Variants in ACAN observed in about 807,000 individuals in gnomAD.
ACAN encodes aggrecan core protein.
A neutral mutation model predicts 169.1 loss-of-function variants in ACAN; 47 were observed. The ratio of observed to expected loss-of-function variants is 0.28; its 90% CI spans 0.22 to 0.35. The LOEUF (loss-of-function observed/expected upper bound fraction) is 0.35. Ranked by LOEUF, ACAN falls within the 10% of genes least tolerant of loss-of-function variation. ACAN has a pLI of 1.00. For synonymous variants in ACAN, 1,115 were observed against 1,112.2 expected, an observed-to-expected ratio of 1.00 and a Z score of -0.05; for missense variants, 2,716 against 2,759.9, an observed-to-expected ratio of 0.98 and a Z score of 0.36.
rs749301721 is a variant in ACAN, at chr15:88,838,052, T to C, written c.71-611T>C. On this transcript the variant is annotated intron_variant, in intron 2 of 18. Coordinates refer to ENST00000560601, the MANE Select transcript of ACAN (RefSeq NM_001369268.1). This position sits in a 1 kb window ranked among gnomAD's most constrained non-coding sequence, Gnocchi z 5.1. ...TCTGATCCTATCCCATCGCCTCTCC[T>C]GCATCTGACTGTTTGCACACCAAAA... Among the ~76,000 whole-genome samples the C allele has an allele frequency of 6.6e-6, 1 of 152,006 alleles. No homozygotes were observed. Among genetic ancestry groups the C allele is most frequent in the African/African-American group, 2.4e-5 (1 of 41,398 alleles).
At position 88,861,450 on chromosome 15, in the gene ACAN, T is replaced by C. The variant is rs2141618232; in HGVS notation, c.6946+1011T>C. Among the ~76,000 whole-genome samples, 1 of 152,288 alleles carries C rather than the reference T, an allele frequency of 6.6e-6. No individual in the cohort carries two copies. The highest frequency in any genetic ancestry group is 1.9e-4 in the East Asian group (1 of 5,194). On this transcript the variant is annotated intron_variant, in intron 13 of 18. Coordinates refer to ENST00000560601, the MANE Select transcript of ACAN (RefSeq NM_001369268.1). This position sits in a 1 kb window ranked among gnomAD's most constrained non-coding sequence, Gnocchi z 6.3. The stretch of plus-strand genomic sequence containing the variant: ...CACAGAGAAGAATTCTGTGTCTATA[T>C]ATATTAATATACATGCAAATTAATA...
chr15:88,851,762 G>A lies in ACAN; in HGVS notation c.2027-32G>A. On this transcript the variant is annotated intron_variant, in intron 10 of 18. Transcript: ENST00000560601. This position sits in a 1 kb window ranked among gnomAD's most constrained non-coding sequence, Gnocchi z 4.3. ...CAAGGACGGGTCACTGGTAAGAGAG[G>A]GACTCACTCTGACCACCCACATCTC... 3.3e-6 allele frequency: 5 copies of A among 1,535,586 alleles called. No individual in the cohort carries two copies. Among genetic ancestry groups the A allele is most frequent in the Non-Finnish European group, 3.5e-6 (4 of 1,138,786 alleles).
chr15:88,808,753 C>T (rs1895748302), intron 1 of ACAN, among the ~76,000 whole-genome samples: 1 of 152,164 alleles, frequency 6.6e-6, no homozygotes, highest in Non-Finnish European at 1.5e-5. Flanking sequence ...TGTCAATAGT[C>T]CCAAGGCTGA....
rs35430524 is a variant in ACAN, at chr15:88,855,322, C to A, written c.2737C>A (p.Pro913Thr). Residue 913 changes from proline (P) to threonine (T), a missense_variant, in exon 12 of 19, where the codon CCT (proline) becomes ACT (threonine). Pro to Thr is a conservative substitution (Grantham distance 38). Around this residue, in one of 3 missense-constraint regions of ACAN, gnomAD observed 1,283 missense variants for 1,281.5 expected, o/e 1.00. Transcript: ENST00000560601. ...TACTTCCACAGTGGGCTCAGGCCTGCCTGTGGAAAGTGGACTACCCTCAGG... is the reference window on the plus strand; with the variant it reads ...TACTTCCACAGTGGGCTCAGGCCTGACTGTGGAAAGTGGACTACCCTCAGG... The part of the protein sequence containing the change: ...GLTSTVGSGL[P>T]VESGLPSGDE... 164,314 of 1,612,456 alleles carry A rather than the reference C, an allele frequency of 0.1. 9,015 individuals are homozygous for A. The highest frequency in any genetic ancestry group is 0.18 in the East Asian group (8,065 of 44,854).
At chr15:88,831,899 C>T (rs1033249669) in intron 1 of ACAN, among the ~76,000 whole-genome samples, 1 of 152,154 alleles carries the variant, frequency 6.6e-6, no homozygotes, top group Non-Finnish European at 1.5e-5. Flanking sequence ...GAACAGCAGG[C>T]AGGAAGCAGA....
chr15:88,838,595 A>G lies in ACAN; in HGVS notation c.71-68A>G. 6.6e-7 allele frequency: 1 copy of G among 1,507,322 alleles called. No individual in the cohort carries two copies. The highest frequency in any genetic ancestry group is 1.3e-5 in the South Asian group (1 of 75,846). The allele number at this position is 1,507,322 out of a possible 1,614,324, so 93.4% of individuals were successfully genotyped here. A position where few individuals can be genotyped will look rare whatever the true frequency, so the allele number is the denominator to read the frequency against. ...GGAGAGTGCATTGCTGGAAGGATGG[A>G]TGGGGAGGCGGGGTGGTCCTCTCTA... On this transcript the variant is annotated intron_variant, in intron 2 of 18. Coordinates refer to ENST00000560601, the MANE Select transcript of ACAN (RefSeq NM_001369268.1). The surrounding 1 kb of genome is among the most constrained non-coding windows in gnomAD (Gnocchi z 5.1).
chr15:88,830,957 A>G (rs1896345534), intron 1 of ACAN, among the ~76,000 whole-genome samples: 3 of 152,288 alleles, frequency 2.0e-5, no homozygotes, highest in African/African-American at 7.2e-5. Flanking sequence ...TCGTAGGTAC[A>G]GTTTGTTGTT....
chr15:88,867,412 C>T (rs558031771), intron 13 of ACAN, among the ~76,000 whole-genome samples: 9 of 152,282 alleles, frequency 5.9e-5, no homozygotes, highest in African/African-American at 1.9e-4. Context: ...TCTGTAGCTC[C>T]GAACGCTTGT....
At chr15:88,822,025 G>A (rs895526719) in intron 1 of ACAN, among the ~76,000 whole-genome samples, 6 of 152,214 alleles carry the variant, frequency 3.9e-5, no homozygotes, top group African/African-American at 1.2e-4. Flanking sequence ...AATAATATGT[G>A]CAACATCCAC....
intron 9 of ACAN, among the ~76,000 whole-genome samples, chr15:88,848,594 C>T (rs942734659): frequency 1.3e-5 from 2 of 152,198 alleles, no homozygotes; most frequent in African/African-American, 4.8e-5. Flanking sequence ...AGAAAAACTT[C>T]CTTAACTCTC....
intron 12 of ACAN, 150 bp from the exon 13 acceptor site, chr15:88,860,176 C>T (rs1247381996): frequency 2.0e-6 from 1 of 510,554 alleles, no homozygotes; most frequent in African/African-American, 2.1e-5. Flanking sequence ...GGGCCAGGTG[C>T]CCAGGAGGGA....
intron 1 of ACAN, among the ~76,000 whole-genome samples, chr15:88,831,209 G>C (rs188040425): frequency 6.6e-6 from 1 of 152,334 alleles, no homozygotes; most frequent in African/African-American, 2.4e-5. Context: ...GCATAACACT[G>C]GTTCTCCTTG....
intron 1 of ACAN, among the ~76,000 whole-genome samples, chr15:88,805,619 G>A (rs967824615): frequency 6.6e-5 from 10 of 152,152 alleles, no homozygotes; most frequent in African/African-American, 2.4e-4. Context: ...GCCCACAGCG[G>A]GTACTCAATA....
chr15:88,813,061 A>G (rs77331102), intron 1 of ACAN, among the ~76,000 whole-genome samples: 3,328 of 152,218 alleles, frequency 0.022, 108 homozygotes, highest in African/African-American at 0.071. Flanking sequence ...ATGCTGATGG[A>G]CCTTGGAAAT....
At chr15:88,817,515 A>G (rs1425821124) in intron 1 of ACAN, among the ~76,000 whole-genome samples, 1 of 151,624 alleles carries the variant, frequency 6.6e-6, no homozygotes. Context: ...AAAATAATAA[A>G]GGACATCATA....
intron 5 of ACAN, among the ~76,000 whole-genome samples, chr15:88,842,668 T>C (rs1243939637): frequency 6.6e-6 from 1 of 152,156 alleles, no homozygotes; most frequent in Non-Finnish European, 1.5e-5. Context: ...AACCTGCCTA[T>C]TAGGTAACAA....
chr15:88,815,149 G>A (rs1025340676), intron 1 of ACAN, among the ~76,000 whole-genome samples: 2 of 152,074 alleles, frequency 1.3e-5, no homozygotes, highest in Admixed American at 6.5e-5. Flanking sequence ...CCCTCTCTTG[G>A]TTCCACTAGA....
Position 88,859,142 on chromosome 15 carries a change from C to T in ACAN, c.6557C>T (p.Ser2186Leu). The T allele has an allele frequency of 1.2e-6, 2 of 1,613,852 alleles. No homozygotes were observed. The highest frequency in any genetic ancestry group is 2.2e-5 in the South Asian group (2 of 91,084). Residue 2186 changes from serine (S) to leucine (L), a missense_variant, in exon 12 of 19, where the codon TCA becomes TTA. Physicochemically the swap from Ser to Leu is moderately radical, Grantham distance 145. Transcript: ENST00000560601. ...DVGTEAPGLP[S>L]ATPTASGDRT... is the part of the protein sequence containing the mutation. The stretch of plus-strand genomic sequence containing the variant: ...GGGACAGAGGCACCAGGCTTGCCTT[C>T]AGCCACTCCCACGGCTTCTGGAGAC...
intron 1 of ACAN, among the ~76,000 whole-genome samples, chr15:88,809,378 G>A (rs73463953): frequency 0.013 from 1,999 of 152,218 alleles, 48 homozygotes; most frequent in African/African-American, 0.044. Context: ...TCAGCCTCAG[G>A]TTCTTTATTT....
Sources: gnomAD v4.1 joint callset for allele counts (sites outside exome capture counted in the v4.1 genomes callset) on GRCh38, gnomAD v4.1.1 for gene constraint, gnomAD v4.1.1 regional missense constraint, Gnocchi (gnomAD v3.1) non-coding constraint, MANE v1.5 for transcripts, NCBI Gene and HGNC (gene_info 2026-07-23, HGNC 2026-07-21) for gene names.